The following ULK4 variants were observed in gnomAD, a reference collection of about 807,000 sequenced individuals.
The protein encoded by ULK4 is unc-51 like kinase 4, also known as inactive serine/threonine-protein kinase ULK4.
Under a neutral mutation model 160.6 loss-of-function variants are expected in ULK4, and 133 were observed. The observed-to-expected ratio is 0.83, with a 90% CI of 0.72 to 0.96. The LOEUF (loss-of-function observed/expected upper bound fraction) is 0.96. Ranked by LOEUF, ULK4 falls within the 40% of genes least tolerant of loss-of-function variation. ULK4 has a pLI of 0.00. For synonymous variants in ULK4, 534 were observed against 539.8 expected (o/e 0.99, Z 0.15); for missense variants, 1,580 against 1,499.5 (o/e 1.05, Z -0.89).
chr3:41,616,574 T>C (rs899411398), intron 30 of ULK4, among the ~76,000 whole-genome samples: 1 of 152,170 alleles, frequency 6.6e-6, no homozygotes, highest in Admixed American at 6.5e-5. Flanking sequence ...CAAGGAAAGC[T>C]GTGAGGAACT....
intron 16 of ULK4, among the ~76,000 whole-genome samples, chr3:41,888,661 C>T (rs1697812979): frequency 1.3e-5 from 2 of 152,208 alleles, no homozygotes. Flanking sequence ...GCCCTGGCCT[C>T]CGGGGTAAAC....
Position 41,457,017 on chromosome 3 carries a change from T to C in ULK4, c.3394-1422A>G, listed in dbSNP as rs771203516. Among the ~76,000 whole-genome samples the C allele has an allele frequency of 7.7e-4, 117 of 152,300 alleles. 1 individual carries two copies. The highest frequency in any genetic ancestry group is 5.8e-4 in the African/African-American group (24 of 41,578). On this transcript the variant is annotated intron_variant, in intron 33 of 36. Transcript: ENST00000301831. ...CCTCTCACTTCCCTGACTAACTTTA[T>C]CGGAAATGGAGAATTTCCTGTCAGG...
intron 18 of ULK4, among the ~76,000 whole-genome samples, chr3:41,822,866 C>T (rs928308936): frequency 9.6e-4 from 145 of 151,522 alleles, no homozygotes; most frequent in African/African-American, 2.9e-3. Flanking sequence ...GGACTACAGG[C>T]GCCCACCACC....
chr3:41,937,786 A>G (rs1699827268), intron 3 of ULK4: 1 of 210,918 alleles, frequency 4.7e-6, no homozygotes, highest in Non-Finnish European at 9.3e-6. Flanking sequence ...TTAGCTAATT[A>G]ATAGCTAGTC....
intron 32 of ULK4, among the ~76,000 whole-genome samples, chr3:41,481,826 C>CAAAAAAAAA (rs71616009): frequency 4.5e-5 from 3 of 66,812 alleles, no homozygotes; most frequent in Non-Finnish European, 6.8e-5. Flanking sequence ...GACTCCGTCT[C>CAAAAAAAAA]AAAAAAAAAA....
chr3:41,956,649 A>G (rs1047338615), intron 1 of ULK4, among the ~76,000 whole-genome samples: 1 of 152,228 alleles, frequency 6.6e-6, no homozygotes, highest in Non-Finnish European at 1.5e-5. Flanking sequence ...GTGAAAATAC[A>G]GTATAAACAA....
chr3:41,926,519 G>A (rs1251274165), intron 5 of ULK4, among the ~76,000 whole-genome samples: 4 of 152,150 alleles, frequency 2.6e-5, no homozygotes, highest in Non-Finnish European at 5.9e-5. Context: ...GACAGAAGTA[G>A]GCTAAAGAGG....
chr3:41,756,980 A>G (rs185043496), intron 21 of ULK4, among the ~76,000 whole-genome samples: 6 of 152,378 alleles, frequency 3.9e-5, no homozygotes, highest in Admixed American at 3.9e-4. Flanking sequence ...AAAGAACAAA[A>G]TAAGCGTGAG....
At chr3:41,515,662 C>G (rs1238968384) in intron 32 of ULK4, among the ~76,000 whole-genome samples, 1 of 152,126 alleles carries the variant, frequency 6.6e-6, no homozygotes, top group Non-Finnish European at 1.5e-5. Flanking sequence ...GGGGAAACGC[C>G]AGATGCTTAT....
At chr3:41,908,192 T>C (rs1559642816) in intron 11 of ULK4, among the ~76,000 whole-genome samples, 1 of 152,208 alleles carries the variant, frequency 6.6e-6, no homozygotes, top group Non-Finnish European at 1.5e-5. Context: ...AAGCATTAAT[T>C]TTTATAAATG....
intron 35 of ULK4, among the ~76,000 whole-genome samples, chr3:41,326,584 A>T (rs559074533): frequency 1.4e-3 from 219 of 152,298 alleles, no homozygotes; most frequent in South Asian, 3.7e-3. Flanking sequence ...CTGACAGTCA[A>T]CAGGGTAGAA....
At chr3:41,574,014 C>A (rs988209381) in intron 31 of ULK4, among the ~76,000 whole-genome samples, 2 of 152,170 alleles carry the variant, frequency 1.3e-5, no homozygotes, top group African/African-American at 4.8e-5. Flanking sequence ...GAAATCCCAT[C>A]TCTACTAATA....
chr3:41,271,813 T>A (rs2125686612), intron 35 of ULK4, among the ~76,000 whole-genome samples: 1 of 90,166 alleles, frequency 1.1e-5, no homozygotes, highest in Middle Eastern at 4.9e-3. Context: ...CAAATAAGGC[T>A]ACTATGAACC....
chr3:41,703,958 TATCTACGTGACC>T (rs2036775516), intron 27 of ULK4, among the ~76,000 whole-genome samples: 1 of 152,148 alleles, frequency 6.6e-6, no homozygotes, highest in Admixed American at 6.5e-5. Context: ...TCTACAATGG[TATCTACGTGACC>T]ATGAAGGTGT....
chr3:41,546,732 T>C (rs1427282602), intron 32 of ULK4, among the ~76,000 whole-genome samples: 1 of 146,782 alleles, frequency 6.8e-6, no homozygotes, highest in Admixed American at 7.0e-5. Context: ...AAGACCTCTA[T>C]TTCTACTTAG....
chr3:41,549,426 T>C (rs549350542), intron 32 of ULK4, among the ~76,000 whole-genome samples: 10 of 152,162 alleles, frequency 6.6e-5, no homozygotes, highest in Admixed American at 5.9e-4. Flanking sequence ...ACTTCAATAA[T>C]AGACCATATA....
chr3:41,555,977 G>A (rs561207816), intron 32 of ULK4, among the ~76,000 whole-genome samples: 4 of 152,256 alleles, frequency 2.6e-5, no homozygotes, highest in African/African-American at 9.6e-5. Context: ...GCTAAATGAT[G>A]AGAATACTTG....
intron 32 of ULK4, among the ~76,000 whole-genome samples, chr3:41,500,983 C>A (rs1177667178): frequency 3.3e-5 from 5 of 152,136 alleles, no homozygotes; most frequent in Non-Finnish European, 7.3e-5. Flanking sequence ...TCTACAGTTA[C>A]TAATTGGCTA....
intron 34 of ULK4, among the ~76,000 whole-genome samples, chr3:41,402,371 T>C (rs1190785639): frequency 6.6e-6 from 1 of 152,184 alleles, no homozygotes; most frequent in Non-Finnish European, 1.5e-5. Flanking sequence ...TACACTACAC[T>C]AGTTAGAACC....
Sources: gnomAD v4.1 joint callset for allele counts (sites outside exome capture counted in the v4.1 genomes callset) on GRCh38, gnomAD v4.1.1 for gene constraint, MANE v1.5 for transcripts, NCBI Gene and HGNC (gene_info 2026-07-23, HGNC 2026-07-21) for gene names.